Variants in RABL6 observed in about 807,000 individuals in gnomAD.
RABL6 encodes rab-like protein 6.
RABL6 carries 28 observed loss-of-function variants against 72.9 expected under a neutral mutation model. That is an observed-to-expected ratio of 0.38 (90% confidence interval 0.28 to 0.53). The LOEUF is 0.53. RABL6 is among the 20% of genes least tolerant of loss of function. The pLI is 0.80. For missense variants in RABL6, 1,029 were observed against 1,008.4 expected (o/e 1.02, Z -0.28); for synonymous variants, 477 against 421.2 (o/e 1.13, Z -1.62).
chr9:136,828,849 A>G (rs1297225977), intron 4 of RABL6, among the ~76,000 whole-genome samples: 5 of 147,224 alleles, frequency 3.4e-5, no homozygotes, highest in Admixed American at 3.4e-4. Context: ...TCGGCCCTTC[A>G]AAGCACAGGA....
At chr9:136,813,206 G>C in intron 1 of RABL6, 1 of 513,432 alleles carries the variant, frequency 1.9e-6, no homozygotes, top group South Asian at 1.7e-5. Context: ...CAGCCTGATT[G>C]CCCTGCCCCC....
intron 1 of RABL6, among the ~76,000 whole-genome samples, chr9:136,820,981 C>T (rs1433808160): frequency 1.3e-5 from 2 of 152,110 alleles, no homozygotes; most frequent in African/African-American, 2.4e-5. Context: ...GCCTTAAGTG[C>T]GTATCGCTGA....
At chr9:136,834,664 G>A (rs773710765) in intron 7 of RABL6, among the ~76,000 whole-genome samples, 22 of 152,166 alleles carry the variant, frequency 1.4e-4, no homozygotes, top group Non-Finnish European at 2.4e-4. Flanking sequence ...TTTTTAGTAG[G>A]GACGGGGTTT....
At chr9:136,816,945 A>G (rs1198626527) in intron 1 of RABL6, among the ~76,000 whole-genome samples, 1 of 152,210 alleles carries the variant, frequency 6.6e-6, no homozygotes, top group Non-Finnish European at 1.5e-5. Flanking sequence ...TAGAAAACAA[A>G]TGTATGTTAA....
chr9:136,821,288 C>T (rs1848230793), intron 1 of RABL6: 4 of 977,826 alleles, frequency 4.1e-6, no homozygotes, highest in Non-Finnish European at 3.6e-6. Flanking sequence ...AACGGGCGGT[C>T]GCTGTGACCG....
intron 1 of RABL6, chr9:136,813,006 T>G (rs1210807537): frequency 2.8e-6 from 1 of 360,482 alleles, no homozygotes; most frequent in Admixed American, 3.2e-5. Context: ...CCTTGGCGCT[T>G]TTGGCATCCT....
Position 136,841,134 on chromosome 9 carries a change from G to A in RABL6, c.*612G>A. 9.1e-7 allele frequency: 1 copy of A among 1,103,324 alleles called. No individual in the cohort carries two copies. The highest frequency in any genetic ancestry group is 1.2e-6 in the Non-Finnish European group (1 of 822,480). The allele number at this position is 1,103,324 out of a possible 1,614,324, so 68.3% of individuals were successfully genotyped here. The stretch of plus-strand genomic sequence containing the variant: ...GTGAGCCCGAAGGCAGGAGCCGGGA[G>A]GCACTCCTCCCAAACACTCCACTCA... On this transcript the variant is annotated 3_prime_UTR_variant, in exon 15 of 15. Coordinates refer to ENST00000311502, the MANE Select transcript of RABL6 (RefSeq NM_024718.5).
intron 5 of RABL6, among the ~76,000 whole-genome samples, chr9:136,830,098 T>C (rs1026475377): frequency 6.6e-6 from 1 of 152,216 alleles, no homozygotes; most frequent in Non-Finnish European, 1.5e-5. Context: ...ACCAGTGTCC[T>C]GGTGCAGGGC....
At chr9:136,830,235 C>G (rs1217057136) in intron 5 of RABL6, among the ~76,000 whole-genome samples, 2 of 152,234 alleles carry the variant, frequency 1.3e-5, no homozygotes, top group Non-Finnish European at 2.9e-5. Context: ...CTTGGGAAGA[C>G]CCCCACACCA....
intron 1 of RABL6, chr9:136,808,849 A>G (rs1253595099): frequency 6.6e-6 from 1 of 151,990 alleles, no homozygotes; most frequent in Non-Finnish European, 1.5e-5. Context: ...CTTTTTTTTT[A>G]AAAGAAGCGT....
intron 3 of RABL6, 27 bp downstream of exon 3, chr9:136,825,853 T>G (rs1848343957): frequency 1.9e-6 from 3 of 1,600,552 alleles, no homozygotes; most frequent in Non-Finnish European, 1.7e-6. Context: ...CTGTGTCTGC[T>G]TCTCTCTGGG....
chr9:136,821,147 CTTGT>C (rs1268159062), intron 1 of RABL6, among the ~76,000 whole-genome samples: 2 of 152,334 alleles, frequency 1.3e-5, no homozygotes, highest in South Asian at 2.1e-4. Flanking sequence ...GCTTGTCTGC[CTTGT>C]TTAAGTTCCT....
rs767490371 is a variant in RABL6, at chr9:136,808,301, C to A, written c.105C>A (p.Arg35=). 1 of 1,560,500 alleles carries A rather than the reference C, an allele frequency of 6.4e-7. No homozygotes were observed. The highest frequency in any genetic ancestry group is 8.7e-7 in the Non-Finnish European group (1 of 1,155,174). The change falls in exon 1 of 15, where the codon CGC becomes CGA. Residue 35 remains arginine (R), a synonymous_variant. Transcript: ENST00000311502. ...LQSMNQALQR[R]FAKGVQYNMK... is the part of the protein sequence containing the mutation. ...CCATGAACCAGGCGTTGCAGAGGCG[C>A]TTCGCCAAGGGGGTGCAGTACAACA...
At chr9:136,819,601 A>G (rs1848198042) in intron 1 of RABL6, among the ~76,000 whole-genome samples, 1 of 152,202 alleles carries the variant, frequency 6.6e-6, no homozygotes, top group African/African-American at 2.4e-5. Flanking sequence ...ACACTAGGTA[A>G]ACATTAACCA....
At chr9:136,823,969 G>A (rs780265531) in intron 2 of RABL6, among the ~76,000 whole-genome samples, 3 of 152,252 alleles carry the variant, frequency 2.0e-5, no homozygotes, top group Non-Finnish European at 4.4e-5. Context: ...GCATTCCCTT[G>A]CCTGCACCCT....
At chr9:136,810,880 C>T (rs1847997125) in intron 1 of RABL6, among the ~76,000 whole-genome samples, 1 of 152,186 alleles carries the variant, frequency 6.6e-6, no homozygotes, top group African/African-American at 2.4e-5. Context: ...CAGAGCGTAA[C>T]AGACCAGCAA....
chr9:136,815,538 C>G lies in RABL6; in HGVS notation c.130+7212C>G, dbSNP rs969183881. The stretch of plus-strand genomic sequence containing the variant: ...TTTACCTGCCTCGACACCAAGTAGT[C>G]TGAAGCTGCTGAGGATGGGAAATCT... On this transcript the variant is annotated intron_variant, in intron 1 of 14. Transcript: ENST00000311502. The G allele has an allele frequency of 2.0e-4, 46 of 228,488 alleles. No homozygotes were observed. The Middle Eastern group carries it at 3.4e-3, about 17-fold the overall frequency. The allele number at this position is 228,488 out of a possible 1,614,324, so 14.2% of individuals were successfully genotyped here.
At chr9:136,809,105 C>T (rs991186966) in intron 1 of RABL6, 1 of 152,350 alleles carries the variant, frequency 6.6e-6, no homozygotes, top group Non-Finnish European at 1.5e-5. Context: ...TTGCTTCCCT[C>T]TTAGCCATTT....
In RABL6 at chr9:136,840,179, G is replaced by A; in HGVS notation, c.1956G>A (p.Lys652=). 6.2e-7 allele frequency: 1 copy of A among 1,612,846 alleles called. No individual in the cohort carries two copies. The highest frequency in any genetic ancestry group is 8.5e-7 in the Non-Finnish European group (1 of 1,179,816). ...GTAAGGAGGGCAAAACCCCCTCTAA[G>A]GAGAAGAAGAAGAAGAAGAAAAAAG... is the stretch of plus-strand genomic sequence containing the variant. ...EEGKEGKTPS[K]EKKKKKKKGK... is the part of the protein sequence containing the mutation. Residue 652 remains lysine, a synonymous_variant, in exon 14 of 15, where the codon AAG becomes AAA. Transcript: ENST00000311502.
Sources: allele counts gnomAD v4.1 joint callset (sites outside exome capture counted in the v4.1 genomes callset), GRCh38; gene constraint gnomAD v4.1.1; transcripts MANE v1.5; gene names NCBI Gene and HGNC (gene_info 2026-07-23, HGNC 2026-07-21).